GALNT14: variants seen among roughly 807,000 people sequenced by gnomAD.
GALNT14 encodes the protein polypeptide N-acetylgalactosaminyltransferase 14, also known as UDP-GalNAc:polypeptide N-acetylgalactosaminyltransferase 14.
GALNT14 carries 60 observed loss-of-function variants against 77.5 expected under a neutral mutation model. That is an observed-to-expected ratio of 0.77 (90% CI 0.63 to 0.96). The LOEUF (loss-of-function observed/expected upper bound fraction) is 0.96, where lower values mean the gene tolerates loss of function less well. Ranked by LOEUF, GALNT14 falls within the 40% of genes least tolerant of loss-of-function variation. The pLI is 0.00. For synonymous variants in GALNT14, 280 were observed against 281.7 expected, an observed-to-expected ratio of 0.99 and a Z score of 0.06; for missense variants, 710 against 731.0, an observed-to-expected ratio of 0.97 and a Z score of 0.33.
At chr2:30,904,060 G>T in the GALNT14 span, among the ~76,000 whole-genome samples, 2 of 152,184 alleles carry the variant, frequency 1.3e-5, no homozygotes, top group Non-Finnish European at 2.9e-5. Context: ...AGCAAGGAGT[G>T]GTGTCAGAAT....
chr2:30,929,406 C>T lies in GALNT14; in HGVS notation c.1140G>A (p.Arg380=), dbSNP rs1665590007. 6.2e-7 allele frequency: 1 copy of T among 1,613,742 alleles called. No individual in the cohort carries two copies. Among genetic ancestry groups the T allele is most frequent in the Non-Finnish European group, 8.5e-7 (1 of 1,179,674 alleles). The part of the protein sequence containing the change: ...YYAARPFALE[R]PFGNVESRLD... ...GAAGGGACACTTACTTCCCGAAGGG[C>T]CTCTCCAGGGCGAATGGCCGGGCAG... The change falls in exon 11 of 15, where the codon AGG becomes AGA. Residue 380 remains arginine (R), a synonymous_variant. Coordinates refer to ENST00000349752, the MANE Select transcript of GALNT14 (RefSeq NM_024572.4).
intron 1 of GALNT14, among the ~76,000 whole-genome samples, chr2:31,066,702 T>C (rs999783669): frequency 1.3e-5 from 2 of 152,016 alleles, no homozygotes; most frequent in Admixed American, 6.6e-5. Flanking sequence ...AGGGCTCAGC[T>C]GCAGGTGCAC....
At chr2:30,955,837 AAC>A (rs1667332159) in intron 5 of GALNT14, 73 bp downstream of exon 5, 25 of 1,606,300 alleles carry the variant, frequency 1.6e-5, no homozygotes, top group Non-Finnish European at 2.0e-5. Context: ...TGATCACCCC[AAC>A]ACACACACAC....
rs6712227 is a variant in GALNT14, at chr2:30,919,070, C to T, written c.1380+5049G>A. Among the ~76,000 whole-genome samples, 712 of 152,264 alleles carry T rather than the reference C, an allele frequency of 4.7e-3. 3 individuals carry two copies. Among genetic ancestry groups the T allele is most frequent in the African/African-American group, 0.016 (678 of 41,560 alleles). On this transcript the variant is annotated intron_variant, in intron 13 of 14. Coordinates refer to ENST00000349752, the MANE Select transcript of GALNT14 (RefSeq NM_024572.4). ...ACACACTGGGAGACAGGTAAAAGGA[C>T]GAGCTAAAAATATATCTTATGTTTT...
intron 3 of GALNT14, among the ~76,000 whole-genome samples, chr2:30,961,718 G>A (rs1667702675): frequency 6.9e-6 from 1 of 144,868 alleles, no homozygotes; most frequent in Non-Finnish European, 1.5e-5. Flanking sequence ...TTTCACTGTT[G>A]TTGCCAAGAC....
chr2:31,119,443 C>T (rs557797357), intron 1 of GALNT14, among the ~76,000 whole-genome samples: 1 of 152,148 alleles, frequency 6.6e-6, no homozygotes, highest in South Asian at 2.1e-4. Flanking sequence ...TCCTTACATG[C>T]AATAAACATA....
At chr2:30,937,716 A>G (rs1455749942) in intron 9 of GALNT14, among the ~76,000 whole-genome samples, 1 of 152,194 alleles carries the variant, frequency 6.6e-6, no homozygotes, top group Admixed American at 6.5e-5. Flanking sequence ...AAAAGCCAGG[A>G]TAATCTGCTA....
At position 31,000,230 on chromosome 2, in the gene GALNT14, G is replaced by A. The variant is rs1458682235; in HGVS notation, c.130-7223C>T. ...TCTGGTCCCTTAGTTTAGAGCTGAA[G>A]TGGGGATATAGGAAGCTCCACTTCA... On this transcript the variant is annotated intron_variant, in intron 1 of 14. Transcript: ENST00000349752. 2.0e-5 allele frequency among the ~76,000 whole-genome samples: 3 copies of A among 152,174 alleles called. No homozygotes were observed. The East Asian group carries it at 5.8e-4, about 29-fold the overall frequency.
At chr2:31,069,669 G>A (rs1675219208) in intron 1 of GALNT14, among the ~76,000 whole-genome samples, 1 of 152,170 alleles carries the variant, frequency 6.6e-6, no homozygotes, top group Non-Finnish European at 1.5e-5. Context: ...CCTCCCCGGA[G>A]CAGCAGGGCC....
rs187617139 is a variant in GALNT14, at chr2:31,132,000, C to T, written c.129+5958G>A. ...GAGAGGAATTCCTGGTATTTCTTTC[C>T]AAAAACTATCAGGTCACTTTGGGAA... On this transcript the variant is annotated intron_variant, in intron 1 of 14. Coordinates refer to ENST00000349752, the MANE Select transcript of GALNT14 (RefSeq NM_024572.4). Among the ~76,000 whole-genome samples, 22 of 152,216 alleles carry T rather than the reference C, an allele frequency of 1.4e-4. No individual in the cohort carries two copies. In the East Asian group the frequency reaches 4.1e-3, roughly 28 times the overall value.
chr2:31,047,940 T>A (rs1304589709), intron 1 of GALNT14, among the ~76,000 whole-genome samples: 4 of 152,238 alleles, frequency 2.6e-5, no homozygotes, highest in Non-Finnish European at 5.9e-5. Flanking sequence ...AACTCCAGGT[T>A]GTTTCAATGC....
intron 9 of GALNT14, among the ~76,000 whole-genome samples, chr2:30,935,666 T>A (rs1666011550): frequency 6.6e-6 from 1 of 152,186 alleles, no homozygotes; most frequent in African/African-American, 2.4e-5. Flanking sequence ...GTGGGTTATT[T>A]AAAATGTGGG....
chr2:31,096,012 T>C (rs570124095), intron 1 of GALNT14, among the ~76,000 whole-genome samples: 2 of 152,286 alleles, frequency 1.3e-5, no homozygotes, highest in South Asian at 4.1e-4. Flanking sequence ...TGTTTCCTTC[T>C]CTTTTCCACC....
intron 13 of GALNT14, among the ~76,000 whole-genome samples, chr2:30,923,056 C>CTT (rs56163710): frequency 1.4e-3 from 158 of 116,514 alleles, no homozygotes; most frequent in African/African-American, 4.3e-3. Flanking sequence ...ACAAACGTGC[C>CTT]TTTTTTTTTT....
chr2:30,950,958 A>G (rs971709), intron 6 of GALNT14, among the ~76,000 whole-genome samples: 109,504 of 152,114 alleles, frequency 0.72, 39,723 homozygotes, highest in African/African-American at 0.81. Context: ...AAGTGCCCAA[A>G]GAAAGCAAGG....
intron 2 of GALNT14, among the ~76,000 whole-genome samples, chr2:30,987,454 T>C (rs1373788877): frequency 6.6e-6 from 1 of 152,212 alleles, no homozygotes; most frequent in Non-Finnish European, 1.5e-5. Context: ...TCCTGCCCTC[T>C]GCCATCTCAC....
chr2:30,898,752 T>C, the GALNT14 span, among the ~76,000 whole-genome samples: 3 of 152,040 alleles, frequency 2.0e-5, no homozygotes, highest in East Asian at 1.9e-4. Context: ...TGCCACTCAG[T>C]TGCTGGGGAG....
intron 1 of GALNT14, among the ~76,000 whole-genome samples, chr2:31,028,332 C>T (rs1462489771): frequency 6.6e-6 from 1 of 152,172 alleles, no homozygotes; most frequent in African/African-American, 2.4e-5. Context: ...TGCTACTCAA[C>T]CCAGATCTCC....
chr2:30,977,635 C>T (rs1668718571), intron 2 of GALNT14, among the ~76,000 whole-genome samples: 1 of 152,152 alleles, frequency 6.6e-6, no homozygotes, highest in South Asian at 2.1e-4. Flanking sequence ...GTAAGGCCTG[C>T]AGCCAAGGAA....
Sources: allele counts gnomAD v4.1 joint callset (sites outside exome capture counted in the v4.1 genomes callset), GRCh38; gene constraint gnomAD v4.1.1; transcripts MANE v1.5; gene names NCBI Gene and HGNC (gene_info 2026-07-23, HGNC 2026-07-21).